GMDS: variants seen among roughly 807,000 people sequenced by gnomAD.
GMDS encodes GDP-mannose 4,6-dehydratase, also known as GDP-mannose 4,6 dehydratase.
In GMDS, 20 loss-of-function variants were observed where a neutral mutation model predicts 49.9. The ratio of observed to expected loss-of-function variants is 0.40; its 90% CI spans 0.28 to 0.58. GMDS has a LOEUF of 0.58. Ranked by LOEUF, GMDS falls within the 20% of genes least tolerant of loss-of-function variation. The pLI is 0.42. For synonymous variants in GMDS, 177 were observed against 178.6 expected (o/e 0.99, Z 0.07); for missense variants, 362 against 481.4 (o/e 0.75, Z 2.32).
intron 1 of GMDS, among the ~76,000 whole-genome samples, chr6:2,223,147 C>CTATA (rs1300319969): frequency 7.9e-5 from 12 of 151,346 alleles, no homozygotes; most frequent in Non-Finnish European, 1.0e-4. Flanking sequence ...CTCTCTCTCT[C>CTATA]TCTATATATA....
At chr6:1,858,332 AAGTT>A (rs1179670198) in intron 7 of GMDS, among the ~76,000 whole-genome samples, 1 of 152,168 alleles carries the variant, frequency 6.6e-6, no homozygotes, top group Non-Finnish European at 1.5e-5. Flanking sequence ...TGCCCTAGGG[AAGTT>A]ATAAACGCAC....
chr6:1,780,643 T>G (rs3800060), intron 7 of GMDS, among the ~76,000 whole-genome samples: 4,623 of 152,304 alleles, frequency 0.03, 157 homozygotes, highest in Admixed American at 0.081. Flanking sequence ...GCTCCCGCGC[T>G]GCTCTGCCCA....
chr6:2,115,487 A>G (rs1247190264), intron 4 of GMDS, among the ~76,000 whole-genome samples: 2 of 152,234 alleles, frequency 1.3e-5, no homozygotes, highest in East Asian at 3.8e-4. Context: ...AATGGCAGAA[A>G]ACACATCCAT....
intron 9 of GMDS, among the ~76,000 whole-genome samples, chr6:1,680,776 T>G (rs975612199): frequency 2.0e-5 from 3 of 152,158 alleles, no homozygotes; most frequent in Non-Finnish European, 2.9e-5. Context: ...CACAAAAAGA[T>G]GACTGCAAAG....
intron 5 of GMDS, among the ~76,000 whole-genome samples, chr6:1,960,192 T>G: frequency 6.6e-6 from 1 of 152,224 alleles, no homozygotes; most frequent in Non-Finnish European, 1.5e-5. Flanking sequence ...CAACAGTGCA[T>G]TATTTGACAA....
intron 4 of GMDS, among the ~76,000 whole-genome samples, chr6:2,106,768 C>G (rs1019479971): frequency 2.0e-5 from 3 of 151,296 alleles, no homozygotes; most frequent in Admixed American, 6.6e-5. Flanking sequence ...GAGGCTGAGG[C>G]AGGAGAATTG....
intron 7 of GMDS, among the ~76,000 whole-genome samples, chr6:1,928,895 G>A (rs1205218917): frequency 2.6e-5 from 4 of 152,084 alleles, no homozygotes; most frequent in Non-Finnish European, 4.4e-5. Context: ...CTTGAACCTG[G>A]GAGGCCGAGG....
At chr6:1,870,107 C>T (rs1581278342) in intron 7 of GMDS, among the ~76,000 whole-genome samples, 1 of 152,196 alleles carries the variant, frequency 6.6e-6, no homozygotes, top group Non-Finnish European at 1.5e-5. Flanking sequence ...ACAGGGCTGG[C>T]GTCTGCCAGC....
chr6:1,895,003 T>A (rs1230446250), intron 7 of GMDS, among the ~76,000 whole-genome samples: 1 of 152,246 alleles, frequency 6.6e-6, no homozygotes, highest in Non-Finnish European at 1.5e-5. Context: ...ACCGGTTGGA[T>A]ATCTTCTAGA....
rs745487800 is a variant in GMDS, at chr6:1,635,300, G to A, written c.988-10760C>T. Among the ~76,000 whole-genome samples the A allele has an allele frequency of 2.0e-5, 3 of 152,170 alleles. No homozygotes were observed. The highest frequency in any genetic ancestry group is 4.8e-5 in the African/African-American group (2 of 41,452). On this transcript the variant is annotated intron_variant, in intron 9 of 10. Coordinates refer to ENST00000380815, the MANE Select transcript of GMDS (RefSeq NM_001500.4). This position sits in a 1 kb window ranked among gnomAD's most constrained non-coding sequence, Gnocchi z 4.7. ...GCTCCTGTGAAAGGCAGGCTGAGGG[G>A]AAACAGCTTGTCTTCTTCCGTGACC...
chr6:2,169,491 C>T (rs1273445726), intron 1 of GMDS, among the ~76,000 whole-genome samples: 2 of 151,800 alleles, frequency 1.3e-5, no homozygotes, highest in Non-Finnish European at 2.9e-5. Flanking sequence ...ACCTGTAATC[C>T]CAGCTACTCA....
intron 1 of GMDS, among the ~76,000 whole-genome samples, chr6:2,142,060 G>A (rs927857767): frequency 1.1e-4 from 16 of 152,200 alleles, no homozygotes; most frequent in South Asian, 8.3e-4. Flanking sequence ...TTTCTTATAC[G>A]GGGGAGGTAA....
chr6:1,948,209 C>T (rs1763179546), intron 6 of GMDS, among the ~76,000 whole-genome samples: 1 of 152,160 alleles, frequency 6.6e-6, no homozygotes, highest in Non-Finnish European at 1.5e-5. Flanking sequence ...TTGAACACTT[C>T]TATATCCTTA....
At chr6:2,055,228 A>T (rs1311024424) in intron 4 of GMDS, among the ~76,000 whole-genome samples, 4 of 151,884 alleles carry the variant, frequency 2.6e-5, no homozygotes, top group African/African-American at 9.7e-5. Flanking sequence ...ATATTATAAC[A>T]TTCTTGTAAT....
intron 6 of GMDS, among the ~76,000 whole-genome samples, chr6:1,934,158 C>T (rs1222601217): frequency 6.6e-6 from 1 of 152,042 alleles, no homozygotes; most frequent in Non-Finnish European, 1.5e-5. Context: ...ATAGCATTTT[C>T]CTCAAAAATC....
At chr6:2,224,012 G>A (rs1339330396) in intron 1 of GMDS, among the ~76,000 whole-genome samples, 3 of 152,124 alleles carry the variant, frequency 2.0e-5, no homozygotes, top group Non-Finnish European at 4.4e-5. Flanking sequence ...AGCAGAGGAG[G>A]GAAAATCAAG....
intron 6 of GMDS, among the ~76,000 whole-genome samples, chr6:1,947,048 C>T (rs749068911): frequency 1.3e-5 from 2 of 152,196 alleles, no homozygotes; most frequent in Non-Finnish European, 2.9e-5. Context: ...TATATTAGCT[C>T]ATTTTAGTGC....
intron 7 of GMDS, among the ~76,000 whole-genome samples, chr6:1,762,508 T>A (rs1331673178): frequency 2.0e-5 from 3 of 152,230 alleles, no homozygotes; most frequent in African/African-American, 7.2e-5. Flanking sequence ...GACATATAAG[T>A]TAATCAGCTA....
At chr6:1,862,600 C>G (rs1460288248) in intron 7 of GMDS, among the ~76,000 whole-genome samples, 3 of 152,224 alleles carry the variant, frequency 2.0e-5, no homozygotes, top group Non-Finnish European at 4.4e-5. Context: ...CCACAACTTG[C>G]TGGAGCTTGT....
Sources: allele counts gnomAD v4.1 joint callset (sites outside exome capture counted in the v4.1 genomes callset), GRCh38; gene constraint gnomAD v4.1.1; non-coding constraint Gnocchi (gnomAD v3.1); transcripts MANE v1.5; gene names NCBI Gene and HGNC (gene_info 2026-07-23, HGNC 2026-07-21).